Variants in DGKB observed in about 807,000 individuals in gnomAD.
DGKB encodes diacylglycerol kinase beta, also known as 90 kDa diacylglycerol kinase.
DGKB carries 67 observed loss-of-function variants against 114.3 expected under a neutral mutation model. The ratio of observed to expected loss-of-function variants is 0.59; its 90% CI spans 0.48 to 0.72. The LOEUF (loss-of-function observed/expected upper bound fraction) is 0.72. DGKB is among the 30% of genes least tolerant of loss of function. The pLI is 0.00. For missense variants in DGKB, 907 were observed against 975.2 expected, an observed-to-expected ratio of 0.93 and a Z score of 0.93; for synonymous variants, 398 against 323.1, an observed-to-expected ratio of 1.23 and a Z score of -2.49.
In DGKB at chr7:14,630,158, C is replaced by G. The variant is rs76739775; in HGVS notation, c.1167+78G>C. 1,093 of 937,196 alleles carry G rather than the reference C, an allele frequency of 1.2e-3. 12 individuals carry two copies. The African/African-American group carries it at 0.016, about 13-fold the overall frequency. The allele number at this position is 937,196 out of a possible 1,614,324, so 58.1% of individuals were successfully genotyped here. Reference sequence around the variant, plus strand: ...GTATTCGAATGTCACTGAGCCAGCACAAAATGTTCTTTACAGCAATACAAG... The same window carrying G: ...GTATTCGAATGTCACTGAGCCAGCAGAAAATGTTCTTTACAGCAATACAAG... On this transcript the variant is annotated intron_variant, in intron 14 of 25. Transcript: ENST00000402815.
At chr7:14,377,458 C>T (rs535439367) in intron 21 of DGKB, among the ~76,000 whole-genome samples, 1 of 152,092 alleles carries the variant, frequency 6.6e-6, no homozygotes, top group South Asian at 2.1e-4. Flanking sequence ...TTTTGATTTG[C>T]TTTATGATTT....
At chr7:14,878,390 C>T (rs534272684) in intron 1 of DGKB, among the ~76,000 whole-genome samples, 2 of 152,088 alleles carry the variant, frequency 1.3e-5, no homozygotes, top group Non-Finnish European at 2.9e-5. Context: ...ACATTTCACT[C>T]CATAATTCGA....
At chr7:14,812,993 G>T (rs1843641472) in intron 2 of DGKB, among the ~76,000 whole-genome samples, 1 of 151,934 alleles carries the variant, frequency 6.6e-6, no homozygotes, top group African/African-American at 2.4e-5. Context: ...CCAAACCAAG[G>T]AAAAACAAAT....
chr7:14,789,654 A>G (rs775270191), intron 2 of DGKB, among the ~76,000 whole-genome samples: 1 of 152,136 alleles, frequency 6.6e-6, no homozygotes, highest in African/African-American at 2.4e-5. Flanking sequence ...TCCTGGCTCA[A>G]GTGATGCTCC....
intron 6 of DGKB, among the ~76,000 whole-genome samples, chr7:14,713,124 T>G (rs1355679671): frequency 6.6e-6 from 1 of 152,058 alleles, no homozygotes; most frequent in Admixed American, 6.5e-5. Context: ...ACACACGTAT[T>G]TAGTTAAAAG....
intron 21 of DGKB, among the ~76,000 whole-genome samples, chr7:14,456,826 G>C (rs1832353314): frequency 6.6e-6 from 1 of 151,932 alleles, no homozygotes; most frequent in Admixed American, 6.6e-5. Flanking sequence ...CCTTCTTATA[G>C]AGGACAAGGA....
chr7:14,405,852 A>G (rs1823848993), intron 21 of DGKB, among the ~76,000 whole-genome samples: 1 of 152,046 alleles, frequency 6.6e-6, no homozygotes, highest in South Asian at 2.1e-4. Context: ...AGACATCAGG[A>G]AGGACAAAGG....
intron 25 of DGKB, among the ~76,000 whole-genome samples, chr7:14,158,715 T>C (rs1584117843): frequency 6.6e-6 from 1 of 152,192 alleles, no homozygotes; most frequent in African/African-American, 2.4e-5. Context: ...AGGCATTGAA[T>C]AGGGAGAATA....
rs142688957 is a variant in DGKB, at chr7:14,354,378, CT to C, written c.1836-8988del. The stretch of plus-strand genomic sequence containing the variant: ...AAATGCAGATATTAGCATGTTTCCA[CT>C]CCTGACTTTGGGTATCAGGGGAGGT... On this transcript the variant is annotated intron_variant, in intron 21 of 25. Coordinates refer to ENST00000402815, the MANE Select transcript of DGKB (RefSeq NM_001350709.2). Among the ~76,000 whole-genome samples, 287 of 152,246 alleles carry C rather than the reference CT, an allele frequency of 1.9e-3. 1 individual carries two copies. The highest frequency in any genetic ancestry group is 3.2e-3 in the Non-Finnish European group (219 of 68,026).
chr7:14,956,274 C>A (rs1356192349), intron 1 of DGKB, among the ~76,000 whole-genome samples: 1 of 151,722 alleles, frequency 6.6e-6, no homozygotes, highest in East Asian at 1.9e-4. Context: ...TAGTAGAATC[C>A]TCCCCAAACC....
chr7:14,689,992 A>G (rs946950805), intron 9 of DGKB, among the ~76,000 whole-genome samples: 10 of 152,334 alleles, frequency 6.6e-5, no homozygotes, highest in Non-Finnish European at 1.3e-4. Flanking sequence ...TAGTGAGACC[A>G]AAGTATAAAC....
chr7:14,359,099 C>G (rs575597040), intron 21 of DGKB, among the ~76,000 whole-genome samples: 73 of 149,186 alleles, frequency 4.9e-4, no homozygotes, highest in African/African-American at 1.8e-3. Flanking sequence ...GGTACCAAAA[C>G]AGATATATAT....
intron 21 of DGKB, among the ~76,000 whole-genome samples, chr7:14,391,954 G>C (rs1583601106): frequency 6.6e-6 from 1 of 152,104 alleles, no homozygotes; most frequent in South Asian, 2.1e-4. Flanking sequence ...TTTCATGTTT[G>C]ATTATACTTC....
chr7:14,787,982 G>A (rs1840133934), intron 2 of DGKB, among the ~76,000 whole-genome samples: 1 of 152,238 alleles, frequency 6.6e-6, no homozygotes, highest in South Asian at 2.1e-4. Context: ...GAGGCACATA[G>A]GGCCTGGCCA....
rs73070767 is a variant in DGKB, at chr7:14,810,977, C to A, written c.70+30217G>T. Among the ~76,000 whole-genome samples the A allele has an allele frequency of 1.5e-3, 231 of 152,180 alleles. 1 individual carries two copies. In the Middle Eastern group the frequency reaches 0.02, roughly 13 times the overall value. The stretch of plus-strand genomic sequence containing the variant: ...GGGACATTTCAATTTGGAGTAGCCA[C>A]CTTTCACCTCTATAGCCATGTGTGG... On this transcript the variant is annotated intron_variant, in intron 2 of 25. Coordinates refer to ENST00000402815, the MANE Select transcript of DGKB (RefSeq NM_001350709.2).
intron 2 of DGKB, among the ~76,000 whole-genome samples, chr7:14,839,276 C>T (rs547996930): frequency 3.9e-5 from 6 of 152,016 alleles, no homozygotes; most frequent in Admixed American, 3.9e-4. Context: ...CAGCAAAGAG[C>T]AGAGCATATG....
At position 14,145,674 on chromosome 7, in the gene DGKB, G is replaced by C. The variant is rs1781404675; in HGVS notation, c.*3457C>G. The C allele has an allele frequency of 6.6e-6, 1 of 152,178 alleles. No individual in the cohort carries two copies. Among genetic ancestry groups the C allele is most frequent in the Non-Finnish European group, 1.5e-5 (1 of 68,070 alleles). The allele number at this position is 152,178 out of a possible 1,614,324, so 9.4% of individuals were successfully genotyped here. A position where few individuals can be genotyped will look rare whatever the true frequency, so the allele number is the denominator to read the frequency against. ...AGGTTTCACCATATTGGCCAGGCTG[G>C]TCTTGAACTCCTGACCTTGTGATCT... is the stretch of plus-strand genomic sequence containing the variant. On this transcript the variant is annotated 3_prime_UTR_variant, in exon 26 of 26. Transcript: ENST00000402815.
intron 23 of DGKB, among the ~76,000 whole-genome samples, chr7:14,234,998 G>T (rs1194251595): frequency 1.3e-5 from 2 of 151,924 alleles, no homozygotes; most frequent in Non-Finnish European, 2.9e-5. Context: ...AATTCTTTTG[G>T]TCAACAAAAA....
intron 23 of DGKB, among the ~76,000 whole-genome samples, chr7:14,296,606 A>G (rs975353606): frequency 4.6e-5 from 7 of 152,118 alleles, no homozygotes; most frequent in Admixed American, 6.6e-5. Context: ...AAAATCTAAA[A>G]TGGACACCCT....
Sources: allele counts gnomAD v4.1 joint callset (sites outside exome capture counted in the v4.1 genomes callset), GRCh38; gene constraint gnomAD v4.1.1; transcripts MANE v1.5; gene names NCBI Gene and HGNC (gene_info 2026-07-23, HGNC 2026-07-21).